Variants in UPP2 observed in about 807,000 individuals in gnomAD.
UPP2 encodes the protein uridine phosphorylase 2, also known as UPase 2.
Under a neutral mutation model 26.7 loss-of-function variants are expected in UPP2, and 23 were observed. The observed-to-expected ratio is 0.86, with a 90% CI of 0.62 to 1.22. The LOEUF is 1.22. UPP2 is among the 50% of genes most tolerant of loss of function. The probability of loss-of-function intolerance (pLI) is 0.00; values close to 1 mark genes in which losing one functional copy is unlikely to be tolerated. For synonymous variants in UPP2, 127 were observed against 141.3 expected (o/e 0.90, Z 0.72); for missense variants, 387 against 396.7 (o/e 0.98, Z 0.21).
chr2:158,105,259 G>A (rs906263292), intron 1 of UPP2, among the ~76,000 whole-genome samples: 2 of 152,082 alleles, frequency 1.3e-5, no homozygotes, highest in East Asian at 1.9e-4. Context: ...TCTTATAGCC[G>A]TCATCAGCTC....
intron 2 of UPP2, among the ~76,000 whole-genome samples, chr2:158,008,104 T>C (rs1683522344): frequency 6.6e-6 from 1 of 152,240 alleles, no homozygotes; most frequent in Non-Finnish European, 1.5e-5. Flanking sequence ...GAAGTAAAGA[T>C]ATTTCAAATT....
chr2:158,001,957 C>CAAAA lies in UPP2; in HGVS notation c.61+6720_61+6723dup, dbSNP rs200818827. 3.8e-3 allele frequency among the ~76,000 whole-genome samples: 249 copies of CAAAA among 65,380 alleles called. 8 individuals carry two copies. Among genetic ancestry groups the CAAAA allele is most frequent in the Admixed American group, 5.5e-3 (22 of 4,004 alleles). 42.9% of individuals were successfully genotyped at this position (65,380 alleles called of 152,430 possible). A position where few individuals can be genotyped will look rare whatever the true frequency, so the allele number is the denominator to read the frequency against. ...CTGGTTGCCTGGGGAGAATGAGCAC[C>CAAAA]AAAAAAAAAAAAAAAAAAAAAAAAA... On this transcript the variant is annotated intron_variant, in intron 2 of 9. Coordinates refer to the UPP2 transcript ENST00000605860.
chr2:158,094,611 TAA>T (rs1196296137), intron 3 of UPP2, among the ~76,000 whole-genome samples: 11 of 152,210 alleles, frequency 7.2e-5, no homozygotes, highest in African/African-American at 2.4e-4. Context: ...TTAGTAATGT[TAA>T]GAGAGTTCCA....
At chr2:158,061,139 C>T (rs1682345697) in intron 3 of UPP2, among the ~76,000 whole-genome samples, 1 of 152,212 alleles carries the variant, frequency 6.6e-6, no homozygotes. Context: ...CGGGCCACAA[C>T]CCCAGTCAGA....
chr2:158,054,501 C>A (rs1247755802), intron 3 of UPP2, among the ~76,000 whole-genome samples: 2 of 151,402 alleles, frequency 1.3e-5, no homozygotes, highest in African/African-American at 4.9e-5. Flanking sequence ...TATTGAAAGT[C>A]ATTTTCCTCT....
rs2105237861 is a variant in UPP2, at chr2:158,135,632, T to C, written c.*742T>C. On this transcript the variant is annotated 3_prime_UTR_variant, in exon 7 of 7. Coordinates refer to ENST00000005756, the MANE Select transcript of UPP2 (RefSeq NM_173355.4). Reference sequence around the variant, plus strand: ...TGTTTTGAGGAGGCTGTATTTTTTATTCCATTTCAATATTAACCAAATAGG... The same window carrying C: ...TGTTTTGAGGAGGCTGTATTTTTTACTCCATTTCAATATTAACCAAATAGG... 6.6e-6 allele frequency: 1 copy of C among 152,356 alleles called. No homozygotes were observed. Among genetic ancestry groups the C allele is most frequent in the East Asian group, 1.9e-4 (1 of 5,192 alleles). 9.4% of individuals were successfully genotyped at this position (152,356 alleles called of 1,614,324 possible).
intron 3 of UPP2, among the ~76,000 whole-genome samples, chr2:158,034,021 A>G (rs1411762223): frequency 6.6e-6 from 1 of 152,184 alleles, no homozygotes; most frequent in Non-Finnish European, 1.5e-5. Flanking sequence ...GTCAAGCAGC[A>G]TCTCCTGGCT....
intron 3 of UPP2, among the ~76,000 whole-genome samples, chr2:158,050,287 G>A (rs770605924): frequency 6.6e-6 from 1 of 152,136 alleles, no homozygotes; most frequent in Non-Finnish European, 1.5e-5. Context: ...GAAAGTGTGA[G>A]AGGCATTAGC....
chr2:158,078,598 A>T (rs1049134999), intron 3 of UPP2, among the ~76,000 whole-genome samples: 2 of 152,090 alleles, frequency 1.3e-5, no homozygotes, highest in Non-Finnish European at 2.9e-5. Context: ...ATTTGTGAAG[A>T]TAGAGAGTAG....
intron 5 of UPP2, among the ~76,000 whole-genome samples, chr2:158,122,047 C>T (rs765053281): frequency 4.6e-5 from 7 of 151,894 alleles, no homozygotes; most frequent in Admixed American, 2.0e-4. Flanking sequence ...ACAAATCCCA[C>T]GGGATGGCAT....
At chr2:158,033,968 C>A (rs1276785923) in intron 3 of UPP2, among the ~76,000 whole-genome samples, 1 of 152,158 alleles carries the variant, frequency 6.6e-6, no homozygotes, top group Non-Finnish European at 1.5e-5. Flanking sequence ...CCAAGGGTCA[C>A]CTTTACTTCC....
intron 2 of UPP2, among the ~76,000 whole-genome samples, chr2:158,000,527 C>T (rs534146866): frequency 3.3e-5 from 5 of 152,314 alleles, no homozygotes; most frequent in Non-Finnish European, 5.9e-5. Context: ...TCTCTCTCTC[C>T]TGTTCTCTTT....
chr2:158,059,604 G>A (rs1029076904), intron 3 of UPP2, among the ~76,000 whole-genome samples: 1 of 152,132 alleles, frequency 6.6e-6, no homozygotes, highest in Non-Finnish European at 1.5e-5. Flanking sequence ...TGGTCATATT[G>A]GGCAAAAGGG....
intron 2 of UPP2, among the ~76,000 whole-genome samples, chr2:158,109,012 C>A (rs1683256144): frequency 1.3e-5 from 2 of 151,320 alleles, no homozygotes; most frequent in Admixed American, 1.3e-4. Flanking sequence ...TTTTTCAAGG[C>A]AGCGTGTAAA....
At chr2:158,120,489 G>A (rs1367668856) in intron 4 of UPP2, among the ~76,000 whole-genome samples, 3 of 152,160 alleles carry the variant, frequency 2.0e-5, no homozygotes, top group African/African-American at 7.2e-5. Context: ...GCTAGACCAG[G>A]AGAGAGCAGT....
intron 3 of UPP2, among the ~76,000 whole-genome samples, chr2:158,055,188 G>C (rs1294883804): frequency 6.6e-6 from 1 of 152,202 alleles, no homozygotes; most frequent in East Asian, 1.9e-4. Context: ...GGCTCTCCCT[G>C]CTGAGTCCCA....
chr2:158,103,245 A>G (rs1478891666), intron 1 of UPP2, among the ~76,000 whole-genome samples: 1 of 152,186 alleles, frequency 6.6e-6, no homozygotes, highest in Non-Finnish European at 1.5e-5. Flanking sequence ...CAGTCCCCCA[A>G]ATTTTCTGAC....
At chr2:158,033,184 C>T (rs1375064359) in intron 3 of UPP2, among the ~76,000 whole-genome samples, 1 of 152,098 alleles carries the variant, frequency 6.6e-6, no homozygotes, top group Non-Finnish European at 1.5e-5. Context: ...GGTGGAGGAC[C>T]TTTGAGCATG....
intron 2 of UPP2, among the ~76,000 whole-genome samples, chr2:158,109,902 G>A (rs374855660): frequency 1.3e-5 from 2 of 152,320 alleles, no homozygotes; most frequent in East Asian, 1.9e-4. Context: ...GCAGGAAATA[G>A]TTTGAACTGA....
Sources: allele counts gnomAD v4.1 joint callset (sites outside exome capture counted in the v4.1 genomes callset), GRCh38; gene constraint gnomAD v4.1.1; transcripts MANE v1.5; gene names NCBI Gene and HGNC (gene_info 2026-07-23, HGNC 2026-07-21).